GRM5: variants seen among roughly 807,000 people sequenced by gnomAD.
GRM5 encodes the protein glutamate metabotropic receptor 5, also known as metabotropic glutamate receptor 5.
GRM5 carries 19 observed loss-of-function variants against 83.1 expected under a neutral mutation model. That is an observed-to-expected ratio of 0.23 (90% CI 0.16 to 0.34). The LOEUF (loss-of-function observed/expected upper bound fraction) is 0.34, where lower values mean the gene tolerates loss of function less well. GRM5 is among the 10% of genes least tolerant of loss of function. The pLI is 1.00. For synonymous variants in GRM5, 675 were observed against 633.6 expected, an observed-to-expected ratio of 1.07 and a Z score of -0.98; for missense variants, 1,160 against 1,588.3, an observed-to-expected ratio of 0.73 and a Z score of 4.58.
At chr11:88,611,660 C>A (rs540208226) in intron 4 of GRM5, among the ~76,000 whole-genome samples, 1 of 152,238 alleles carries the variant, frequency 6.6e-6, no homozygotes, top group East Asian at 1.9e-4. Flanking sequence ...TTTCAAAAAA[C>A]CAACTTTTGT....
chr11:89,036,517 G>C (rs7482083), intron 2 of GRM5, among the ~76,000 whole-genome samples: 1 of 152,020 alleles, frequency 6.6e-6, no homozygotes, highest in Non-Finnish European at 1.5e-5. Context: ...AATGTTTTCT[G>C]TGTGCCAAGC....
intron 2 of GRM5, among the ~76,000 whole-genome samples, chr11:89,007,367 T>C (rs1297981128): frequency 2.0e-5 from 3 of 152,214 alleles, no homozygotes; most frequent in Non-Finnish European, 4.4e-5. Context: ...GTGCCAAGTA[T>C]ATAGTATGTG....
At chr11:88,540,321 C>CA (rs1285960102) in intron 8 of GRM5, among the ~76,000 whole-genome samples, 3 of 151,872 alleles carry the variant, frequency 2.0e-5, no homozygotes, top group Admixed American at 6.6e-5. Flanking sequence ...AACTTAGAAA[C>CA]AAAAAAAGCT....
intron 7 of GRM5, among the ~76,000 whole-genome samples, chr11:88,575,827 T>C (rs1352397844): frequency 6.6e-6 from 1 of 152,068 alleles, no homozygotes; most frequent in Non-Finnish European, 1.5e-5. Flanking sequence ...TCCCCATCCT[T>C]CAAGGTTTAT....
chr11:88,792,790 G>GTT (rs200929512), intron 3 of GRM5, among the ~76,000 whole-genome samples: 2 of 151,816 alleles, frequency 1.3e-5, no homozygotes, highest in Admixed American at 1.3e-4. Context: ...AATTATTAGT[G>GTT]TTTTTTTAAT....
chr11:88,706,844 T>A (rs1379701670), intron 3 of GRM5, among the ~76,000 whole-genome samples: 1 of 152,090 alleles, frequency 6.6e-6, no homozygotes, highest in African/African-American at 2.4e-5. Context: ...ATCAGTATCT[T>A]GTTAAAGGAG....
chr11:88,697,378 T>C (rs1367533987), intron 3 of GRM5, among the ~76,000 whole-genome samples: 3 of 152,194 alleles, frequency 2.0e-5, no homozygotes, highest in Non-Finnish European at 4.4e-5. Flanking sequence ...CAGAGGACCA[T>C]TTATGTTTTG....
chr11:88,568,241 G>A (rs1283129965), intron 7 of GRM5, among the ~76,000 whole-genome samples: 2 of 152,130 alleles, frequency 1.3e-5, no homozygotes, highest in South Asian at 2.1e-4. Context: ...TGCAGAACAT[G>A]TTTCCTGCTC....
chr11:88,610,977 C>T (rs571311315), intron 4 of GRM5, among the ~76,000 whole-genome samples: 1 of 152,170 alleles, frequency 6.6e-6, no homozygotes, highest in East Asian at 1.9e-4. Flanking sequence ...TTGAGATGAT[C>T]ACTTGGTTTT....
At chr11:88,932,343 AT>A (rs1937740617) in intron 2 of GRM5, among the ~76,000 whole-genome samples, 1 of 152,080 alleles carries the variant, frequency 6.6e-6, no homozygotes, top group African/African-American at 2.4e-5. Context: ...AATTACATAA[AT>A]GCCTAACAAC....
chr11:88,753,216 TC>T (rs1321597606), intron 3 of GRM5, among the ~76,000 whole-genome samples: 1 of 152,000 alleles, frequency 6.6e-6, no homozygotes, highest in African/African-American at 2.4e-5. Flanking sequence ...CTGACAAAAA[TC>T]TTATATCCAG....
At chr11:88,959,606 G>T (rs938429300) in intron 2 of GRM5, among the ~76,000 whole-genome samples, 16 of 152,078 alleles carry the variant, frequency 1.1e-4, no homozygotes, top group Admixed American at 2.6e-4. Context: ...TTTTAAAGCA[G>T]TTTTGAGATA....
chr11:88,634,169 G>T (rs1939055995), intron 4 of GRM5, among the ~76,000 whole-genome samples: 1 of 152,192 alleles, frequency 6.6e-6, no homozygotes, highest in Admixed American at 6.5e-5. Context: ...ACTGGAAGTT[G>T]TTCTGGGCAA....
chr11:88,970,235 A>T (rs543972337), intron 2 of GRM5, among the ~76,000 whole-genome samples: 1 of 152,242 alleles, frequency 6.6e-6, no homozygotes, highest in Non-Finnish European at 1.5e-5. Flanking sequence ...AGATAAATGG[A>T]TGCTTTTTTC....
rs142493322 is a variant in GRM5 at position 88,515,717 on chromosome 11, C to T, written c.2727-6213G>A. ...GCAAGAATTTTAGATTTTTGTACTTCTTTTTCAAAACAGGAAATGATTTTT... is the reference window on the plus strand; with the variant it reads ...GCAAGAATTTTAGATTTTTGTACTTTTTTTTCAAAACAGGAAATGATTTTT... On this transcript the variant is annotated intron_variant, in intron 9 of 9. Coordinates refer to ENST00000305447, the MANE Select transcript of GRM5 (RefSeq NM_001143831.3). Among the ~76,000 whole-genome samples, 1,066 of 152,256 alleles carry T rather than the reference C, an allele frequency of 7.0e-3. 14 individuals are homozygous for T. Among genetic ancestry groups the T allele is most frequent in the African/African-American group, 0.024 (1,009 of 41,546 alleles).
chr11:88,884,674 C>A (rs1391214005), intron 2 of GRM5, among the ~76,000 whole-genome samples: 1 of 152,128 alleles, frequency 6.6e-6, no homozygotes, highest in East Asian at 1.9e-4. Context: ...GAGAGGGACC[C>A]AGTGGGAGGT....
chr11:88,575,640 G>T (rs1186022842), intron 7 of GRM5, among the ~76,000 whole-genome samples: 1 of 152,136 alleles, frequency 6.6e-6, no homozygotes, highest in Non-Finnish European at 1.5e-5. Flanking sequence ...CAAGATTTTC[G>T]TTCTGGGCTA....
intron 4 of GRM5, among the ~76,000 whole-genome samples, chr11:88,625,510 T>C (rs1938768914): frequency 6.6e-6 from 1 of 152,154 alleles, no homozygotes; most frequent in African/African-American, 2.4e-5. Context: ...TTGACCTTCA[T>C]ATTTAAAAAT....
At chr11:88,740,761 G>A (rs144243154) in intron 3 of GRM5, among the ~76,000 whole-genome samples, 351 of 152,154 alleles carry the variant, frequency 2.3e-3, no homozygotes, top group African/African-American at 8.1e-3. Flanking sequence ...GCCAGTATGT[G>A]CACAAGGCAT....
Sources: allele counts gnomAD v4.1 joint callset (sites outside exome capture counted in the v4.1 genomes callset), GRCh38; gene constraint gnomAD v4.1.1; transcripts MANE v1.5; gene names NCBI Gene and HGNC (gene_info 2026-07-23, HGNC 2026-07-21).